PTPRT: variants seen among roughly 807,000 people sequenced by gnomAD.
PTPRT encodes protein tyrosine phosphatase receptor type T, also known as receptor-type tyrosine-protein phosphatase T.
Under a neutral mutation model 176.8 loss-of-function variants are expected in PTPRT, and 56 were observed. The observed-to-expected ratio is 0.32, with a 90% CI of 0.26 to 0.40. The LOEUF (loss-of-function observed/expected upper bound fraction) is 0.40, where lower values mean the gene tolerates loss of function less well. Among genes scored for constraint, PTPRT ranks in the 10% least tolerant of loss-of-function variants. The pLI is 1.00. For synonymous variants in PTPRT, 783 were observed against 739.0 expected (o/e 1.06, Z -0.96); for missense variants, 1,540 against 1,908.2 (o/e 0.81, Z 3.60).
At chr20:42,709,489 G>A (rs1424088024) in intron 6 of PTPRT, among the ~76,000 whole-genome samples, 2 of 152,152 alleles carry the variant, frequency 1.3e-5, no homozygotes, top group East Asian at 3.9e-4. Context: ...ACCATTATTG[G>A]AAGCTTCCTG....
intron 7 of PTPRT, among the ~76,000 whole-genome samples, chr20:42,557,368 A>G (rs1238326060): frequency 2.0e-5 from 3 of 152,136 alleles, no homozygotes; most frequent in African/African-American, 7.2e-5. Flanking sequence ...TTGCTCTGCA[A>G]AAAGGGCCTC....
intron 1 of PTPRT, among the ~76,000 whole-genome samples, chr20:42,894,466 G>C (rs544008846): frequency 6.6e-6 from 1 of 151,854 alleles, no homozygotes; most frequent in Non-Finnish European, 1.5e-5. Flanking sequence ...ATCACCCCAC[G>C]AGATGGATAT....
intron 1 of PTPRT, among the ~76,000 whole-genome samples, chr20:43,066,099 T>C (rs1293628136): frequency 6.6e-6 from 1 of 152,116 alleles, no homozygotes; most frequent in Middle Eastern, 3.2e-3. Flanking sequence ...TCTTCCACCC[T>C]GGTATTTTGC....
chr20:42,938,677 C>T (rs940702670), intron 1 of PTPRT, among the ~76,000 whole-genome samples: 3 of 152,130 alleles, frequency 2.0e-5, no homozygotes, highest in Non-Finnish European at 4.4e-5. Flanking sequence ...AACTCCCTCC[C>T]CCCCATGCTT....
At chr20:43,083,416 A>G (rs2011521274) in intron 1 of PTPRT, among the ~76,000 whole-genome samples, 1 of 140,938 alleles carries the variant, frequency 7.1e-6, no homozygotes, top group African/African-American at 2.6e-5. Flanking sequence ...GCTGTAGTGC[A>G]GTGTCACGAT....
intron 1 of PTPRT, among the ~76,000 whole-genome samples, chr20:43,154,486 T>G (rs1568816341): frequency 6.6e-6 from 1 of 152,260 alleles, no homozygotes; most frequent in Non-Finnish European, 1.5e-5. Flanking sequence ...TGTTCAAGAT[T>G]GCTTTGGCTA....
intron 17 of PTPRT, among the ~76,000 whole-genome samples, chr20:42,148,631 T>C (rs981809765): frequency 3.3e-5 from 5 of 152,156 alleles, no homozygotes; most frequent in African/African-American, 1.2e-4. Context: ...TTCTGGGAGC[T>C]GACCTGGCAC....
intron 7 of PTPRT, among the ~76,000 whole-genome samples, chr20:42,594,745 C>G (rs2145769788): frequency 6.6e-6 from 1 of 152,232 alleles, no homozygotes; most frequent in Admixed American, 6.5e-5. Flanking sequence ...CAAGACATAT[C>G]AAATATTTAT....
intron 7 of PTPRT, among the ~76,000 whole-genome samples, chr20:42,636,354 A>G (rs1265247044): frequency 6.6e-6 from 1 of 152,150 alleles, no homozygotes; most frequent in Non-Finnish European, 1.5e-5. Context: ...TATACTTCAA[A>G]CAGATAGAAT....
intron 13 of PTPRT, among the ~76,000 whole-genome samples, chr20:42,275,245 G>A (rs1718297318): frequency 6.6e-6 from 1 of 152,124 alleles, no homozygotes; most frequent in South Asian, 2.1e-4. Context: ...TCCCATCAAT[G>A]GGGTTTAAAA....
chr20:43,150,816 G>C (rs1279934212), intron 1 of PTPRT, among the ~76,000 whole-genome samples: 1 of 152,096 alleles, frequency 6.6e-6, no homozygotes. Flanking sequence ...GGTGACCCTA[G>C]GAGAAAACTG....
At chr20:43,127,700 T>C (rs1291481119) in intron 1 of PTPRT, among the ~76,000 whole-genome samples, 1 of 152,130 alleles carries the variant, frequency 6.6e-6, no homozygotes, top group African/African-American at 2.4e-5. Context: ...AGAGCCCAGG[T>C]TGGTGAGTCA....
At chr20:42,438,182 C>T (rs1194029649) in intron 9 of PTPRT, among the ~76,000 whole-genome samples, 1 of 152,176 alleles carries the variant, frequency 6.6e-6, no homozygotes, top group Non-Finnish European at 1.5e-5. Context: ...GAAGAAAGCC[C>T]ACGCCCTGAC....
chr20:42,641,630 G>C (rs1439665066), intron 7 of PTPRT, among the ~76,000 whole-genome samples: 5 of 152,160 alleles, frequency 3.3e-5, no homozygotes, highest in Admixed American at 6.5e-5. Context: ...CCAGATTAAG[G>C]CTGAATGTAA....
At chr20:42,271,744 T>C (rs1185475999) in intron 13 of PTPRT, among the ~76,000 whole-genome samples, 2 of 152,166 alleles carry the variant, frequency 1.3e-5, no homozygotes, top group African/African-American at 4.8e-5. Context: ...CTCACCTCTC[T>C]AAAGAAAAAC....
chr20:42,677,377 G>T (rs2206427), intron 7 of PTPRT, among the ~76,000 whole-genome samples: 4 of 151,640 alleles, frequency 2.6e-5, no homozygotes, highest in Admixed American at 1.3e-4. Context: ...GGGGCACAGT[G>T]AGAGCCAGGA....
intron 1 of PTPRT, among the ~76,000 whole-genome samples, chr20:43,114,560 A>G (rs186687984): frequency 2.0e-5 from 3 of 152,358 alleles, no homozygotes; most frequent in East Asian, 1.9e-4. Flanking sequence ...ACTTCTCCCT[A>G]TAAAATACAT....
At chr20:42,683,756 C>G (rs1458178747) in intron 6 of PTPRT, among the ~76,000 whole-genome samples, 1 of 152,150 alleles carries the variant, frequency 6.6e-6, no homozygotes, top group African/African-American at 2.4e-5. Context: ...AAAAGGACTA[C>G]CTTGGGGCCA....
At chr20:43,124,365 C>A (rs934325274) in intron 1 of PTPRT, among the ~76,000 whole-genome samples, 2 of 152,146 alleles carry the variant, frequency 1.3e-5, no homozygotes, top group Non-Finnish European at 2.9e-5. Context: ...CAGGAGACCC[C>A]AGTCAACTAT....
Sources: allele counts gnomAD v4.1 joint callset (sites outside exome capture counted in the v4.1 genomes callset), GRCh38; gene constraint gnomAD v4.1.1; transcripts MANE v1.5; gene names NCBI Gene and HGNC (gene_info 2026-07-23, HGNC 2026-07-21).